Variants in MED12L observed in about 807,000 individuals in gnomAD.
The protein encoded by MED12L is mediator complex subunit 12L.
MED12L carries 60 observed loss-of-function variants against 281.3 expected under a neutral mutation model. That is an observed-to-expected ratio of 0.21 (90% CI 0.17 to 0.26). The LOEUF is 0.26. MED12L is among the 10% of genes least tolerant of loss of function. MED12L has a pLI of 1.00. For synonymous variants in MED12L, 974 were observed against 987.2 expected (o/e 0.99, Z 0.25); for missense variants, 2,146 against 2,680.9 (o/e 0.80, Z 4.41).
At chr3:151,118,160 T>TA in intron 3 of MED12L, among the ~76,000 whole-genome samples, 1 of 152,134 alleles carries the variant, frequency 6.6e-6, no homozygotes, top group East Asian at 1.9e-4. Flanking sequence ...TAGGGTTTTT[T>TA]TTATATATAT....
intron 16 of MED12L, among the ~76,000 whole-genome samples, chr3:151,242,303 G>T (rs1054256757): frequency 6.6e-6 from 1 of 152,242 alleles, no homozygotes; most frequent in Non-Finnish European, 1.5e-5. Flanking sequence ...GCCTCTCTAG[G>T]CTCCACCTCT....
intron 43 of MED12L, among the ~76,000 whole-genome samples, chr3:151,423,560 C>G (rs1241177226): frequency 6.6e-6 from 1 of 152,140 alleles, no homozygotes; most frequent in African/African-American, 2.4e-5. Flanking sequence ...GGAAAAACAT[C>G]TGGAAATAAA....
intron 11 of MED12L, among the ~76,000 whole-genome samples, chr3:151,172,381 AC>A (rs1411230561): frequency 1.3e-5 from 2 of 152,222 alleles, no homozygotes; most frequent in Non-Finnish European, 2.9e-5. Flanking sequence ...ATTATTACTG[AC>A]TGATGTATAT....
At chr3:151,249,036 T>G (rs548654349) in intron 16 of MED12L, 4 of 152,226 alleles carry the variant, frequency 2.6e-5, no homozygotes, top group Non-Finnish European at 4.4e-5. Context: ...CTCTGAAATA[T>G]TGACATCTCG....
At chr3:151,261,476 A>C (rs1196585600) in intron 16 of MED12L, 5 of 152,208 alleles carry the variant, frequency 3.3e-5, no homozygotes, top group Admixed American at 3.3e-4. Flanking sequence ...TAGTTTTCAT[A>C]CATTACTTCC....
intron 43 of MED12L, among the ~76,000 whole-genome samples, chr3:151,425,132 G>A (rs892026254): frequency 2.0e-5 from 3 of 152,208 alleles, no homozygotes; most frequent in African/African-American, 7.2e-5. Context: ...ACACAATTCA[G>A]GAGGCAAGGT....
chr3:151,308,516 G>T (rs1747015529), intron 16 of MED12L, among the ~76,000 whole-genome samples: 1 of 152,124 alleles, frequency 6.6e-6, no homozygotes, highest in South Asian at 2.1e-4. Flanking sequence ...CATTTCAAGT[G>T]ACTTCTGGCC....
At chr3:151,384,887 TAGAACATGTTCAGGGTTAA>T in intron 35 of MED12L, 124 bp from the exon 36 acceptor site, 1 of 639,078 alleles carries the variant, frequency 1.6e-6, no homozygotes, top group Non-Finnish European at 2.8e-6. Context: ...AACTGCCTTG[TAGAACATGTTCAGGGTTAA>T]AGAACATGCG....
intron 16 of MED12L, among the ~76,000 whole-genome samples, chr3:151,202,477 C>CCAGTTCGAGA (rs1725743103): frequency 6.6e-6 from 1 of 152,102 alleles, no homozygotes; most frequent in South Asian, 2.1e-4. Context: ...TCGAGACCAG[C>CCAGTTCGAGA]CTGGCCAACA....
intron 5 of MED12L, among the ~76,000 whole-genome samples, chr3:151,145,788 T>C (rs570125899): frequency 2.0e-5 from 3 of 152,348 alleles, no homozygotes; most frequent in African/African-American, 7.2e-5. Context: ...CACATCTCCG[T>C]TGATGGCACC....
chr3:151,121,838 C>T (rs964309290), intron 3 of MED12L, among the ~76,000 whole-genome samples: 4 of 151,974 alleles, frequency 2.6e-5, no homozygotes, highest in African/African-American at 9.7e-5. Context: ...GCCTCAGCCT[C>T]CCGAGTAGGT....
In MED12L at chr3:151,086,607, TA is replaced by T. The variant is rs1034282920; in HGVS notation, c.-129-190del. The T allele has an allele frequency of 5.5e-5, 12 of 217,258 alleles. 1 individual carries two copies. The highest frequency in any genetic ancestry group is 4.4e-4 in the South Asian group (4 of 9,054). The allele number at this position is 217,258 out of a possible 1,614,324, so 13.5% of individuals were successfully genotyped here. On this transcript the variant is annotated intron_variant, in intron 1 of 44. Transcript: ENST00000687756. ...GCTGCTCCTCCCCCTGGAGACAAGGTAGGGGGGAGCAGAGGAGGCAGGCGCC... is the reference window on the plus strand; with the variant it reads ...GCTGCTCCTCCCCCTGGAGACAAGGTGGGGGGAGCAGAGGAGGCAGGCGCC...
intron 16 of MED12L, among the ~76,000 whole-genome samples, chr3:151,210,056 G>A (rs998854109): frequency 2.6e-5 from 4 of 152,104 alleles, no homozygotes; most frequent in African/African-American, 9.7e-5. Context: ...CAACTCATAG[G>A]GTGCTTTAGG....
chr3:151,336,403 C>G, intron 16 of MED12L: 1 of 413,634 alleles, frequency 2.4e-6, no homozygotes, highest in Non-Finnish European at 4.8e-6. Flanking sequence ...TGAAATAGAA[C>G]TCAGCAGAGG....
chr3:151,158,838 G>C, intron 7 of MED12L, 39 bp downstream of exon 7: 1 of 1,307,536 alleles, frequency 7.6e-7, no homozygotes, highest in South Asian at 1.2e-5. Context: ...GGTTTTATGG[G>C]CAAGAAATGA....
chr3:151,191,305 G>A lies in MED12L; in HGVS notation c.1968+374G>A, dbSNP rs377092681. 1.1e-4 allele frequency among the ~76,000 whole-genome samples: 17 copies of A among 152,130 alleles called. No homozygotes were observed. The East Asian group carries it at 1.5e-3, about 14-fold the overall frequency. Reference sequence around the variant, plus strand: ...CAGCTGAGTTTTCATTCTAAGAATCGTCTTTTCCCTAATGTATCATTCATT... The same window carrying A: ...CAGCTGAGTTTTCATTCTAAGAATCATCTTTTCCCTAATGTATCATTCATT... On this transcript the variant is annotated intron_variant, in intron 14 of 44. Transcript: ENST00000687756.
chr3:151,371,562 T>C (rs1272810252), intron 26 of MED12L, among the ~76,000 whole-genome samples: 1 of 152,236 alleles, frequency 6.6e-6, no homozygotes, highest in East Asian at 1.9e-4. Context: ...AAGCCATTTT[T>C]TTCAGCAAAG....
intron 16 of MED12L, among the ~76,000 whole-genome samples, chr3:151,221,571 C>G (rs1297916402): frequency 6.6e-6 from 1 of 152,082 alleles, no homozygotes; most frequent in Admixed American, 6.5e-5. Flanking sequence ...TGAAAGGGGC[C>G]CTTGTAGAGC....
intron 16 of MED12L, among the ~76,000 whole-genome samples, chr3:151,309,425 G>C (rs1747186921): frequency 6.6e-6 from 1 of 152,062 alleles, no homozygotes; most frequent in Non-Finnish European, 1.5e-5. Context: ...CTGGCTTACT[G>C]TCTTATATGG....
Sources: allele counts gnomAD v4.1 joint callset (sites outside exome capture counted in the v4.1 genomes callset), GRCh38; gene constraint gnomAD v4.1.1; transcripts MANE v1.5; gene names NCBI Gene and HGNC (gene_info 2026-07-23, HGNC 2026-07-21).